The following LRRC7 variants were observed in gnomAD, a reference collection of about 807,000 sequenced individuals.
The protein encoded by LRRC7 is leucine-rich repeat-containing protein 7.
In LRRC7, 23 loss-of-function variants were observed where a neutral mutation model predicts 175.7. The observed-to-expected ratio is 0.13, with a 90% CI of 0.09 to 0.19. The LOEUF (loss-of-function observed/expected upper bound fraction) is 0.19, where lower values mean the gene tolerates loss of function less well. Ranked by LOEUF, LRRC7 falls within the 10% of genes least tolerant of loss-of-function variation. The pLI is 1.00. For missense variants in LRRC7, 1,354 were observed against 1,904.7 expected (o/e 0.71, Z 5.38); for synonymous variants, 685 against 680.9 (o/e 1.01, Z -0.09).
chr1:69,792,676 G>T (rs1259647044), intron 4 of LRRC7, among the ~76,000 whole-genome samples: 1 of 152,034 alleles, frequency 6.6e-6, no homozygotes, highest in Admixed American at 6.6e-5. Context: ...ATAACAGGAA[G>T]AATTTTTCTT....
At chr1:69,966,805 A>G (rs1409705505) in intron 8 of LRRC7, among the ~76,000 whole-genome samples, 1 of 152,234 alleles carries the variant, frequency 6.6e-6, no homozygotes, top group Non-Finnish European at 1.5e-5. Context: ...GGGGTAGAGG[A>G]AGCAGCGGGA....
intron 7 of LRRC7, among the ~76,000 whole-genome samples, chr1:69,904,874 A>T (rs1185691828): frequency 6.6e-6 from 1 of 152,072 alleles, no homozygotes; most frequent in Non-Finnish European, 1.5e-5. Flanking sequence ...TTTCTTGTCC[A>T]TATATACTCA....
intron 1 of LRRC7, among the ~76,000 whole-genome samples, chr1:69,596,091 G>C (rs1646834202): frequency 6.6e-6 from 1 of 151,964 alleles, no homozygotes; most frequent in Admixed American, 6.6e-5. Context: ...TCTGCAGAAG[G>C]ACTGCCCAGG....
At chr1:69,887,972 C>G (rs1205477166) in intron 7 of LRRC7, among the ~76,000 whole-genome samples, 21 of 136,486 alleles carry the variant, frequency 1.5e-4, no homozygotes, top group Admixed American at 8.3e-4. Context: ...GCAGTCTGCC[C>G]GTTCTCAGAT....
chr1:70,122,580 C>G lies in LRRC7; in HGVS notation c.*693C>G, dbSNP rs547834027. 6.6e-6 allele frequency: 1 copy of G among 152,102 alleles called. No individual in the cohort carries two copies. The highest frequency in any genetic ancestry group is 1.5e-5 in the Non-Finnish European group (1 of 67,900). 9.4% of individuals were successfully genotyped at this position (152,102 alleles called of 1,614,324 possible). ...TATTTCATAAATTAGCCATTTATCT[C>G]TGGGACCCAAATAAAAATAGGATGA... On this transcript the variant is annotated 3_prime_UTR_variant, in exon 27 of 27. Transcript: ENST00000651989.
At chr1:69,772,780 A>C (rs1356974344) in intron 3 of LRRC7, among the ~76,000 whole-genome samples, 3 of 152,178 alleles carry the variant, frequency 2.0e-5, no homozygotes, top group Non-Finnish European at 4.4e-5. Context: ...GGAAATTTAG[A>C]AAGAGTTGCT....
Position 69,824,927 on chromosome 1 carries a change from T to C in LRRC7, c.422-821T>C, listed in dbSNP as rs565242435. On this transcript the variant is annotated intron_variant, in intron 4 of 26. Coordinates refer to ENST00000651989, the MANE Select transcript of LRRC7 (RefSeq NM_001370785.2). ...CTTCCCTTCTAACTTTTGCAGGGCC[T>C]ACTACATTGATCCATTTCTGTCAAT... Among the ~76,000 whole-genome samples, 7 of 152,344 alleles carry C rather than the reference T, an allele frequency of 4.6e-5. No homozygotes were observed. In the South Asian group the frequency reaches 1.0e-3, roughly 23 times the overall value.
rs2102292478 is a variant in LRRC7 at position 70,142,230 on chromosome 1, A to G, written c.*20343A>G. On this transcript the variant is annotated 3_prime_UTR_variant, in exon 27 of 27. Coordinates refer to ENST00000651989, the MANE Select transcript of LRRC7 (RefSeq NM_001370785.2). ...CTCAGAGGACTCTTATTTGGCTTGAATGTGGAAAAGGCATCTGGTTCAGGT... is the reference window on the plus strand; with the variant it reads ...CTCAGAGGACTCTTATTTGGCTTGAGTGTGGAAAAGGCATCTGGTTCAGGT... 1 of 152,248 alleles carries G rather than the reference A, an allele frequency of 6.6e-6. No individual in the cohort carries two copies. The highest frequency in any genetic ancestry group is 6.5e-5 in the Admixed American group (1 of 15,290). 9.4% of individuals were successfully genotyped at this position (152,248 alleles called of 1,614,324 possible).
rs142547168 is a variant in LRRC7 at position 69,693,671 on chromosome 1, A to G, written c.100+15193A>G. On this transcript the variant is annotated intron_variant, in intron 2 of 26. Transcript: ENST00000651989. The stretch of plus-strand genomic sequence containing the variant: ...CAAAAACACCCTCACAGAAACATCC[A>G]AAATAAGATTTGACCAACTATATGG... Among the ~76,000 whole-genome samples the G allele has an allele frequency of 6.6e-4, 100 of 152,316 alleles. 1 individual carries two copies. Among genetic ancestry groups the G allele is most frequent in the African/African-American group, 2.1e-3 (87 of 41,576 alleles).
intron 9 of LRRC7, among the ~76,000 whole-genome samples, chr1:69,984,040 C>T (rs1653697069): frequency 6.6e-6 from 1 of 152,090 alleles, no homozygotes; most frequent in Non-Finnish European, 1.5e-5. Flanking sequence ...ATTCTCCTGC[C>T]TCAGCCTCCT....
chr1:70,109,241 C>T (rs891855544), intron 26 of LRRC7, among the ~76,000 whole-genome samples: 7 of 152,188 alleles, frequency 4.6e-5, no homozygotes, highest in Admixed American at 1.3e-4. Context: ...AGGCTGATCT[C>T]GAACTCCCAA....
chr1:69,697,323 C>T (rs1208163733), intron 2 of LRRC7, among the ~76,000 whole-genome samples: 2 of 152,188 alleles, frequency 1.3e-5, no homozygotes, highest in Non-Finnish European at 2.9e-5. Flanking sequence ...TTTATTCTTT[C>T]TCTTCATAGC....
intron 1 of LRRC7, among the ~76,000 whole-genome samples, chr1:69,645,350 C>T (rs1486697940): frequency 6.6e-6 from 1 of 151,934 alleles, no homozygotes; most frequent in East Asian, 1.9e-4. Flanking sequence ...AAAATACTTA[C>T]TTATATGGTG....
At chr1:69,942,721 C>A (rs1238925569) in intron 8 of LRRC7, among the ~76,000 whole-genome samples, 1 of 152,012 alleles carries the variant, frequency 6.6e-6, no homozygotes, top group Non-Finnish European at 1.5e-5. Flanking sequence ...TTACACTGGG[C>A]CCCCTCAGAT....
At chr1:69,924,594 T>C (rs2101747298) in intron 7 of LRRC7, among the ~76,000 whole-genome samples, 1 of 152,322 alleles carries the variant, frequency 6.6e-6, no homozygotes, top group South Asian at 2.1e-4. Flanking sequence ...GATTTGGCTC[T>C]CTGTTTGTCT....
intron 8 of LRRC7, among the ~76,000 whole-genome samples, chr1:69,948,621 C>G (rs1649589868): frequency 6.6e-6 from 1 of 152,006 alleles, no homozygotes; most frequent in Non-Finnish European, 1.5e-5. Context: ...TTTATATGAC[C>G]AATTCCCAAT....
At chr1:69,722,827 T>A (rs766374786) in intron 2 of LRRC7, among the ~76,000 whole-genome samples, 184 of 152,220 alleles carry the variant, frequency 1.2e-3, no homozygotes, top group Non-Finnish European at 1.4e-3. Flanking sequence ...GTAACTACTC[T>A]TTGTATGCAA....
At position 70,038,105 on chromosome 1, in the gene LRRC7, G is replaced by A. The variant is rs1659496821; in HGVS notation, c.2289-8G>A. The A allele has an allele frequency of 1.9e-6, 3 of 1,591,072 alleles. No individual in the cohort carries two copies. Among genetic ancestry groups the A allele is most frequent in the Non-Finnish European group, 2.6e-6 (3 of 1,169,656 alleles). Reference sequence around the variant, plus strand: ...CTTTTCAATTTCTTCTTCCCATTGTGTTCACAGGATTGCACCATCTTTCCC... The same window carrying A: ...CTTTTCAATTTCTTCTTCCCATTGTATTCACAGGATTGCACCATCTTTCCC... On this transcript the variant is annotated splice_region_variant and splice_polypyrimidine_tract_variant and intron_variant, in intron 20 of 26. Transcript: ENST00000651989.
chr1:69,576,740 A>G (rs950372410), intron 1 of LRRC7, among the ~76,000 whole-genome samples: 1 of 152,196 alleles, frequency 6.6e-6, no homozygotes, highest in African/African-American at 2.4e-5. Context: ...GTTCTTATTC[A>G]TGCCAGCTTT....
Sources: allele counts gnomAD v4.1 joint callset (sites outside exome capture counted in the v4.1 genomes callset), GRCh38; gene constraint gnomAD v4.1.1; transcripts MANE v1.5; gene names NCBI Gene and HGNC (gene_info 2026-07-23, HGNC 2026-07-21).